HTT-AS: variants seen among roughly 807,000 people sequenced by gnomAD.
HTT-AS encodes HTT antisense RNA (head to head).
chr4:3,063,237 G>A (rs1466774103), exon 2 of HTT-AS, among the ~76,000 whole-genome samples: 1 of 152,228 alleles, frequency 6.6e-6, no homozygotes, highest in East Asian at 1.9e-4. Flanking sequence ...TCAGTCCCGA[G>A]GGAAAGAAAG....
At chr4:3,062,384 G>A (rs1287277225) in intron 2 of HTT-AS, among the ~76,000 whole-genome samples, 1 of 152,010 alleles carries the variant, frequency 6.6e-6, no homozygotes, top group Non-Finnish European at 1.5e-5. Context: ...AAACCTCATG[G>A]TTTTCCCTGT....
chr4:3,064,408 T>G (rs1206712141), intron 1 of HTT-AS, among the ~76,000 whole-genome samples: 1 of 152,110 alleles, frequency 6.6e-6, no homozygotes, highest in Non-Finnish European at 1.5e-5. Flanking sequence ...GACATTGTTC[T>G]TAAAAGAATC....
intron 1 of HTT-AS, among the ~76,000 whole-genome samples, chr4:3,066,193 T>G (rs1296064852): frequency 6.6e-6 from 1 of 151,894 alleles, no homozygotes; most frequent in Non-Finnish European, 1.5e-5. Context: ...TTTTTTGAGG[T>G]GGCGTCTCAC....
At chr4:3,071,738 TG>T (rs934626703) in intron 1 of HTT-AS, among the ~76,000 whole-genome samples, 1 of 151,978 alleles carries the variant, frequency 6.6e-6, no homozygotes, top group Non-Finnish European at 1.5e-5. Context: ...ATCATTAGGG[TG>T]GGCCATAATC....
At chr4:3,068,731 T>C (rs1712104293) in intron 1 of HTT-AS, among the ~76,000 whole-genome samples, 2 of 149,050 alleles carry the variant, frequency 1.3e-5, no homozygotes, top group Admixed American at 6.8e-5. Flanking sequence ...CTCGGCTCAC[T>C]GCAACCTCTG....
chr4:3,055,105 T>C lies in HTT-AS; in HGVS notation n.1381-5407A>G, dbSNP rs191867770. Among the ~76,000 whole-genome samples the C allele has an allele frequency of 4.3e-4, 66 of 151,970 alleles. No individual in the cohort carries two copies. The East Asian group carries it at 9.9e-3, about 23-fold the overall frequency. On this transcript the variant is annotated intron_variant and non_coding_transcript_variant, in intron 2 of 2. Transcript: ENST00000664062. ...GGCTCACACCTGTAATCCCATCACT[T>C]TGGGAGGCTGAGGCAGGTAGATCAC...
rs868699735 is a variant in HTT-AS at position 3,071,783 on chromosome 4, G to C, written n.113+2643C>G. ...GTCTTACAAGAAGAGATTAGGACACGGACATGCTCAGAGGGACGGCCACGT... is the reference window on the plus strand; with the variant it reads ...GTCTTACAAGAAGAGATTAGGACACCGACATGCTCAGAGGGACGGCCACGT... On this transcript the variant is annotated intron_variant and non_coding_transcript_variant, in intron 1 of 2. Transcript: ENST00000664062. Among the ~76,000 whole-genome samples, 5 of 152,242 alleles carry C rather than the reference G, an allele frequency of 3.3e-5. No homozygotes were observed. In the Middle Eastern group the frequency reaches 0.01, roughly 311 times the overall value.
intron 2 of HTT-AS, among the ~76,000 whole-genome samples, chr4:3,061,284 C>T (rs548976757): frequency 3.3e-5 from 5 of 152,124 alleles, no homozygotes; most frequent in East Asian, 3.8e-4. Flanking sequence ...TCCAGAAAGG[C>T]GGGGACAACT....
chr4:3,073,341 C>T (rs1221791356), intron 1 of HTT-AS, among the ~76,000 whole-genome samples: 1 of 152,230 alleles, frequency 6.6e-6, no homozygotes, highest in Non-Finnish European at 1.5e-5. Flanking sequence ...TCCGTTTGCC[C>T]CTCTACCACC....
rs551932959 is a variant in HTT-AS, at chr4:3,055,154, C to T, written n.1381-5456G>A. On this transcript the variant is annotated intron_variant and non_coding_transcript_variant, in intron 2 of 2. Transcript: ENST00000664062. ...ACGAGGTCAGGAGATCGAGACCATC[C>T]GGGCGTGGTGGCGGGCGCCTGTAGT... Among the ~76,000 whole-genome samples the T allele has an allele frequency of 1.6e-4, 24 of 152,046 alleles. 1 individual carries two copies. The highest frequency in any genetic ancestry group is 1.2e-3 in the East Asian group (6 of 5,114).
chr4:3,051,028 ATTTGTGTGTGTGTGTG>A (rs1711691528), intron 2 of HTT-AS, among the ~76,000 whole-genome samples: 1 of 83,238 alleles, frequency 1.2e-5, no homozygotes, highest in East Asian at 5.1e-4. Flanking sequence ...ATCCCTTACA[ATTTGTGTGTGTGTGTG>A]TGTGTGTGTG....
chr4:3,051,030 T>TGTGTGTG (rs1711692286), intron 2 of HTT-AS, among the ~76,000 whole-genome samples: 1 of 122,484 alleles, frequency 8.2e-6, no homozygotes, highest in African/African-American at 3.2e-5. Context: ...CCCTTACAAT[T>TGTGTGTG]TGTGTGTGTG....
At chr4:3,055,886 G>A (rs1019369166) in intron 2 of HTT-AS, among the ~76,000 whole-genome samples, 1 of 152,138 alleles carries the variant, frequency 6.6e-6, no homozygotes, top group Non-Finnish European at 1.5e-5. Flanking sequence ...TCAGATGTAA[G>A]AGGCCTCTAA....
intron 2 of HTT-AS, among the ~76,000 whole-genome samples, chr4:3,053,474 C>T (rs540467869): frequency 1.3e-5 from 2 of 151,990 alleles, no homozygotes; most frequent in Admixed American, 6.6e-5. Context: ...TGGAGGTTGC[C>T]CTGAGCCAAG....
chr4:3,048,104 G>T (rs112976137), downstream of HTT-AS, among the ~76,000 whole-genome samples: 1 of 152,094 alleles, frequency 6.6e-6, no homozygotes, highest in Non-Finnish European at 1.5e-5. Flanking sequence ...AGGTGGTAGT[G>T]GTCCCCTGGG....
chr4:3,057,733 A>C (rs1195574449), intron 2 of HTT-AS, among the ~76,000 whole-genome samples: 1 of 151,922 alleles, frequency 6.6e-6, no homozygotes, highest in African/African-American at 2.4e-5. Flanking sequence ...TCCCGGGTTC[A>C]TGCCATTCTT....
intron 2 of HTT-AS, among the ~76,000 whole-genome samples, chr4:3,050,512 C>T (rs963432949): frequency 6.6e-6 from 1 of 152,138 alleles, no homozygotes; most frequent in African/African-American, 2.4e-5. Context: ...GGGTCCTTTT[C>T]ATCCTTTTAT....
intron 1 of HTT-AS, among the ~76,000 whole-genome samples, chr4:3,074,272 TG>T (rs975334825): frequency 1.1e-4 from 10 of 89,156 alleles, no homozygotes; most frequent in African/African-American, 4.5e-4. Context: ...GCCTCCCTGC[TG>T]TGCCCCGCCC....
intron 2 of HTT-AS, among the ~76,000 whole-genome samples, chr4:3,059,066 T>C (rs1452106495): frequency 1.3e-5 from 2 of 152,182 alleles, no homozygotes; most frequent in African/African-American, 4.8e-5. Context: ...CCGAGAAAGC[T>C]TCTGTACTGC....
Sources: gnomAD v4.1 joint callset for allele counts (sites outside exome capture counted in the v4.1 genomes callset) on GRCh38, gnomAD v4.1.1 for gene constraint, MANE v1.5 for transcripts, NCBI Gene and HGNC (gene_info 2026-07-23, HGNC 2026-07-21) for gene names.